AGBL4: variants seen among roughly 807,000 people sequenced by gnomAD.
The protein encoded by AGBL4 is cytosolic carboxypeptidase 6.
In AGBL4, 58 loss-of-function variants were observed where a neutral mutation model predicts 66.4. The observed-to-expected ratio is 0.87, with a 90% CI of 0.71 to 1.09. AGBL4 has a LOEUF of 1.09. AGBL4 is among the 50% of genes least tolerant of loss of function. The pLI, the probability that AGBL4 is intolerant of heterozygous loss-of-function variation, is 0.00. For missense variants in AGBL4, 579 were observed against 631.0 expected (o/e 0.92, Z 0.88); for synonymous variants, 234 against 222.9 (o/e 1.05, Z -0.44).
At chr1:48,757,578 T>C (rs1644006412) in intron 6 of AGBL4, among the ~76,000 whole-genome samples, 1 of 152,204 alleles carries the variant, frequency 6.6e-6, no homozygotes, top group Non-Finnish European at 1.5e-5. Flanking sequence ...AGTCCCAATG[T>C]CATTTCCTTT....
At chr1:49,843,773 T>TA (rs1646064495) in intron 2 of AGBL4, among the ~76,000 whole-genome samples, 1 of 152,110 alleles carries the variant, frequency 6.6e-6, no homozygotes, top group Non-Finnish European at 1.5e-5. Flanking sequence ...ACCTTTTTTT[T>TA]AAAAATTGAA....
At chr1:49,511,737 A>C (rs1649283619) in intron 3 of AGBL4, among the ~76,000 whole-genome samples, 1 of 151,900 alleles carries the variant, frequency 6.6e-6, no homozygotes, top group Non-Finnish European at 1.5e-5. Flanking sequence ...ACCAAGTCAG[A>C]AGACTTGGAT....
At chr1:48,983,201 T>TA (rs896339794) in intron 5 of AGBL4, among the ~76,000 whole-genome samples, 88 of 151,968 alleles carry the variant, frequency 5.8e-4, no homozygotes, top group Middle Eastern at 3.4e-3. Context: ...TTCTAATACT[T>TA]AAAAAAAACC....
At chr1:49,827,433 T>C (rs552815564) in intron 2 of AGBL4, among the ~76,000 whole-genome samples, 2 of 152,290 alleles carry the variant, frequency 1.3e-5, no homozygotes, top group South Asian at 4.1e-4. Flanking sequence ...CTCTTCTGTT[T>C]TGAAGTTAAA....
intron 2 of AGBL4, among the ~76,000 whole-genome samples, chr1:49,752,552 T>C (rs547800479): frequency 6.6e-6 from 1 of 152,324 alleles, no homozygotes; most frequent in South Asian, 2.1e-4. Context: ...TTCTGTTGAC[T>C]TGGGGTGGAG....
intron 2 of AGBL4, among the ~76,000 whole-genome samples, chr1:49,835,247 G>C (rs982442795): frequency 1.3e-5 from 2 of 152,144 alleles, no homozygotes; most frequent in Non-Finnish European, 2.9e-5. Context: ...TCATGAATCT[G>C]GGTGCTCCTA....
At chr1:49,529,361 A>G (rs1284232830) in intron 3 of AGBL4, among the ~76,000 whole-genome samples, 1 of 152,136 alleles carries the variant, frequency 6.6e-6, no homozygotes, top group Non-Finnish European at 1.5e-5. Context: ...TGAAATGTAG[A>G]ACAAAGGAGA....
intron 3 of AGBL4, among the ~76,000 whole-genome samples, chr1:49,554,755 C>CT (rs1653270646): frequency 6.6e-6 from 1 of 152,134 alleles, no homozygotes; most frequent in African/African-American, 2.4e-5. Flanking sequence ...GAGTTTGTTC[C>CT]TTCTGATGTT....
chr1:49,610,765 C>A lies in AGBL4; in HGVS notation c.282+86548G>T, dbSNP rs941456312. 2.6e-5 allele frequency among the ~76,000 whole-genome samples: 4 copies of A among 151,996 alleles called. No individual in the cohort carries two copies. The South Asian group carries it at 8.3e-4, about 32-fold the overall frequency. ...ATTTCACAGCCTCCAGAACTGTGAGCGATAAATATCTCTTAATAAATGACC... is the reference window on the plus strand; with the variant it reads ...ATTTCACAGCCTCCAGAACTGTGAGAGATAAATATCTCTTAATAAATGACC... On this transcript the variant is annotated intron_variant, in intron 3 of 13. Coordinates refer to ENST00000371839, the MANE Select transcript of AGBL4 (RefSeq NM_032785.4).
At chr1:49,988,021 T>C (rs1659646239) in intron 1 of AGBL4, among the ~76,000 whole-genome samples, 1 of 151,824 alleles carries the variant, frequency 6.6e-6, no homozygotes, top group Non-Finnish European at 1.5e-5. Context: ...AGAATTTATT[T>C]AAGGGAAGAA....
intron 1 of AGBL4, among the ~76,000 whole-genome samples, chr1:49,875,937 T>C (rs1248551098): frequency 6.7e-6 from 1 of 148,710 alleles, no homozygotes; most frequent in South Asian, 2.2e-4. Flanking sequence ...ATGTGTTTTT[T>C]GGCTGCATAA....
At chr1:48,785,160 A>G (rs1044018301) in intron 6 of AGBL4, among the ~76,000 whole-genome samples, 12 of 152,068 alleles carry the variant, frequency 7.9e-5, no homozygotes, top group African/African-American at 2.7e-4. Context: ...ACACACTTCC[A>G]TGGCTTCTTA....
intron 3 of AGBL4, among the ~76,000 whole-genome samples, chr1:49,263,071 C>T (rs866114030): frequency 1.7e-4 from 26 of 151,674 alleles, no homozygotes; most frequent in Admixed American, 1.1e-3. Context: ...AACCAAACAC[C>T]GCATGTTCTC....
intron 3 of AGBL4, among the ~76,000 whole-genome samples, chr1:49,411,244 G>T (rs902234099): frequency 1.3e-5 from 2 of 152,196 alleles, no homozygotes; most frequent in Non-Finnish European, 2.9e-5. Context: ...CCAAGGGCAG[G>T]AGAAACAGAA....
In AGBL4 at chr1:49,006,168, T is replaced by A. The variant is rs1400797070; in HGVS notation, c.594+39416A>T. 1.2e-4 allele frequency among the ~76,000 whole-genome samples: 18 copies of A among 152,102 alleles called. No individual in the cohort carries two copies. The East Asian group carries it at 3.5e-3, about 30-fold the overall frequency. ...CAGTGGGCGCAGGTCAGTGGGTGCGTGCACCGTGCGCGAGCCAAAGCAGGG... is the reference window on the plus strand; with the variant it reads ...CAGTGGGCGCAGGTCAGTGGGTGCGAGCACCGTGCGCGAGCCAAAGCAGGG... On this transcript the variant is annotated intron_variant, in intron 5 of 13. Coordinates refer to ENST00000371839, the MANE Select transcript of AGBL4 (RefSeq NM_032785.4).
At chr1:49,528,866 G>T (rs1385008376) in intron 3 of AGBL4, among the ~76,000 whole-genome samples, 1 of 152,080 alleles carries the variant, frequency 6.6e-6, no homozygotes, top group Non-Finnish European at 1.5e-5. Flanking sequence ...GTTCTTTACG[G>T]TTGGAGCTGT....
chr1:49,621,149 C>T (rs1414686586), intron 3 of AGBL4, among the ~76,000 whole-genome samples: 3 of 152,000 alleles, frequency 2.0e-5, no homozygotes, highest in Non-Finnish European at 4.4e-5. Flanking sequence ...TCCTTTGTGC[C>T]GTAAAGAAAT....
intron 5 of AGBL4, among the ~76,000 whole-genome samples, chr1:48,983,204 A>T (rs1385576038): frequency 6.6e-6 from 1 of 152,176 alleles, no homozygotes; most frequent in African/African-American, 2.4e-5. Flanking sequence ...TAATACTTAA[A>T]AAAAACCCTA....
intron 3 of AGBL4, among the ~76,000 whole-genome samples, chr1:49,623,105 G>A (rs555878759): frequency 1.3e-5 from 2 of 152,212 alleles, no homozygotes; most frequent in African/African-American, 4.8e-5. Flanking sequence ...GACCATACAG[G>A]GAAAGAGAAA....
Sources: gnomAD v4.1 joint callset for allele counts (sites outside exome capture counted in the v4.1 genomes callset) on GRCh38, gnomAD v4.1.1 for gene constraint, MANE v1.5 for transcripts, NCBI Gene and HGNC (gene_info 2026-07-23, HGNC 2026-07-21) for gene names.